NALCN: variants seen among roughly 807,000 people sequenced by gnomAD.
NALCN encodes sodium leak channel, non-selective.
A neutral mutation model predicts 225.3 loss-of-function variants in NALCN; 111 were observed. The ratio of observed to expected loss-of-function variants is 0.49; its 90% confidence interval spans 0.42 to 0.58. NALCN has a LOEUF of 0.58. Among genes scored for constraint, NALCN ranks in the 20% least tolerant of loss-of-function variants. NALCN has a pLI of 0.00. For synonymous variants in NALCN, 764 were observed against 769.0 expected, an observed-to-expected ratio of 0.99 and a Z score of 0.11; for missense variants, 1,378 against 2,202.4, an observed-to-expected ratio of 0.63 and a Z score of 7.49.
chr13:101,192,179 C>T (rs1237929508), intron 13 of NALCN, 125 bp from the exon 14 acceptor site: 1 of 1,042,482 alleles, frequency 9.6e-7, no homozygotes, highest in Non-Finnish European at 1.3e-6. Flanking sequence ...AGGGCAAGAA[C>T]AGTCTTGATT....
chr13:101,327,710 T>C (rs774455286), intron 7 of NALCN, among the ~76,000 whole-genome samples: 2 of 151,922 alleles, frequency 1.3e-5, no homozygotes, highest in African/African-American at 4.8e-5. Context: ...ACTGGATTTG[T>C]GAGAAATGGA....
intron 7 of NALCN, among the ~76,000 whole-genome samples, chr13:101,311,323 T>C (rs1366333993): frequency 6.6e-6 from 1 of 151,854 alleles, no homozygotes; most frequent in Non-Finnish European, 1.5e-5. Flanking sequence ...CAATTTGACT[T>C]CCTCTTTTCC....
chr13:101,377,448 A>T (rs548486697), intron 4 of NALCN, among the ~76,000 whole-genome samples: 3 of 152,172 alleles, frequency 2.0e-5, no homozygotes, highest in Non-Finnish European at 2.9e-5. Flanking sequence ...AAAGAATTGC[A>T]CTATTTACTA....
chr13:101,117,911 G>A (rs2035791157), intron 18 of NALCN, among the ~76,000 whole-genome samples: 1 of 152,146 alleles, frequency 6.6e-6, no homozygotes, highest in Non-Finnish European at 1.5e-5. Flanking sequence ...ATCATTGGTT[G>A]CCAGGGTTTG....
At chr13:101,383,782 C>T (rs1192519369) in intron 3 of NALCN, among the ~76,000 whole-genome samples, 1 of 152,176 alleles carries the variant, frequency 6.6e-6, no homozygotes, top group Non-Finnish European at 1.5e-5. Flanking sequence ...CTTATGGATA[C>T]TTCCTGGATT....
chr13:101,411,082 C>T lies in NALCN; in HGVS notation c.-40+5231G>A, dbSNP rs1385427783. On this transcript the variant is annotated intron_variant, in intron 1 of 43. Transcript: ENST00000251127. ...GGCATTCTAATTTACCTTAAATATACCTGTAGATCAATATTCCTCCCAGAT... is the reference window on the plus strand; with the variant it reads ...GGCATTCTAATTTACCTTAAATATATCTGTAGATCAATATTCCTCCCAGAT... 5.3e-5 allele frequency among the ~76,000 whole-genome samples: 8 copies of T among 152,166 alleles called. No homozygotes were observed. In the East Asian group the frequency reaches 1.5e-3, roughly 29 times the overall value.
At chr13:101,090,406 G>A (rs540529176) in intron 28 of NALCN, among the ~76,000 whole-genome samples, 6 of 152,252 alleles carry the variant, frequency 3.9e-5, no homozygotes, top group East Asian at 3.9e-4. Context: ...AAAATCTTTC[G>A]AAAGGCATAA....
chr13:101,074,071 A>G (rs1006471984), intron 36 of NALCN, among the ~76,000 whole-genome samples: 6 of 152,184 alleles, frequency 3.9e-5, no homozygotes, highest in African/African-American at 1.4e-4. Context: ...TATAAAACTT[A>G]GGCAAATCGT....
At chr13:101,358,763 C>G (rs1396768903) in intron 6 of NALCN, among the ~76,000 whole-genome samples, 1 of 152,170 alleles carries the variant, frequency 6.6e-6, no homozygotes, top group Admixed American at 6.5e-5. Flanking sequence ...TCTTGCAACA[C>G]TATTTACAAT....
intron 17 of NALCN, among the ~76,000 whole-genome samples, chr13:101,136,855 T>C (rs2036823810): frequency 6.6e-6 from 1 of 152,178 alleles, no homozygotes; most frequent in Admixed American, 6.5e-5. Context: ...TATTTCTAGT[T>C]CTAGATCCTT....
At chr13:101,415,960 C>T (rs1429343719) in intron 1 of NALCN, among the ~76,000 whole-genome samples, 1 of 152,170 alleles carries the variant, frequency 6.6e-6, no homozygotes, top group African/African-American at 2.4e-5. Flanking sequence ...CGGGGCAGGC[C>T]CGAGGTGTCG....
intron 10 of NALCN, among the ~76,000 whole-genome samples, chr13:101,269,979 C>G (rs1332552551): frequency 6.6e-6 from 1 of 152,196 alleles, no homozygotes; most frequent in Non-Finnish European, 1.5e-5. Context: ...ATAATTTTCT[C>G]TCATGTTCCC....
At chr13:101,135,100 C>T (rs562217252) in intron 17 of NALCN, among the ~76,000 whole-genome samples, 39 of 152,256 alleles carry the variant, frequency 2.6e-4, no homozygotes, top group African/African-American at 8.7e-4. Context: ...GAGGCTGAGG[C>T]AGGAGAATGG....
chr13:101,329,858 G>C (rs545764148), intron 7 of NALCN, among the ~76,000 whole-genome samples: 3 of 151,866 alleles, frequency 2.0e-5, no homozygotes, highest in Non-Finnish European at 4.4e-5. Flanking sequence ...GGCCGAAATG[G>C]TGAAACCCTG....
chr13:101,300,194 A>C (rs540858942), intron 7 of NALCN, among the ~76,000 whole-genome samples: 1 of 152,222 alleles, frequency 6.6e-6, no homozygotes, highest in Non-Finnish European at 1.5e-5. Flanking sequence ...AGATTTACTA[A>C]ACGATAAAGC....
At chr13:101,248,532 C>T (rs773942114) in intron 11 of NALCN, among the ~76,000 whole-genome samples, 23 of 152,144 alleles carry the variant, frequency 1.5e-4, no homozygotes, top group Non-Finnish European at 2.9e-4. Context: ...ATGTCAGAAA[C>T]TCCAACCTTG....
chr13:101,356,185 T>C (rs780060052), intron 6 of NALCN, among the ~76,000 whole-genome samples: 10 of 151,254 alleles, frequency 6.6e-5, no homozygotes, highest in Non-Finnish European at 1.0e-4. Flanking sequence ...AGACAAGAAA[T>C]AACTAAGATC....
chr13:101,233,387 C>T (rs2041427219), intron 12 of NALCN, among the ~76,000 whole-genome samples: 1 of 148,726 alleles, frequency 6.7e-6, no homozygotes. Context: ...GTGGCCCAGG[C>T]TGGAGAGCAG....
chr13:101,291,082 G>T (rs2043535236), intron 9 of NALCN, among the ~76,000 whole-genome samples: 1 of 152,052 alleles, frequency 6.6e-6, no homozygotes, highest in East Asian at 1.9e-4. Flanking sequence ...CAAATCTGTA[G>T]CCCACCTTCA....
Sources: allele counts gnomAD v4.1 joint callset (sites outside exome capture counted in the v4.1 genomes callset), GRCh38; gene constraint gnomAD v4.1.1; transcripts MANE v1.5; gene names NCBI Gene and HGNC (gene_info 2026-07-23, HGNC 2026-07-21).